The following LRRTM3 variants were observed in gnomAD, a reference collection of about 807,000 sequenced individuals.
The protein encoded by LRRTM3 is leucine-rich repeat transmembrane neuronal protein 3.
A neutral mutation model predicts 44.7 loss-of-function variants in LRRTM3; 24 were observed. The ratio of observed to expected loss-of-function variants is 0.54; its 90% CI spans 0.39 to 0.76. LRRTM3 has a LOEUF of 0.76. Ranked by LOEUF, LRRTM3 falls within the 30% of genes least tolerant of loss-of-function variation. The pLI is 0.00. For synonymous variants in LRRTM3, 277 were observed against 278.7 expected, an observed-to-expected ratio of 0.99 and a Z score of 0.06; for missense variants, 587 against 702.2, an observed-to-expected ratio of 0.84 and a Z score of 1.85.
At chr10:67,016,198 C>T (rs1354059269) in intron 2 of LRRTM3, among the ~76,000 whole-genome samples, 1 of 152,124 alleles carries the variant, frequency 6.6e-6, no homozygotes, top group African/African-American at 2.4e-5. Flanking sequence ...GATCGCTACT[C>T]CTCTTTGAAT....
chr10:67,062,955 C>A (rs1345514175), intron 2 of LRRTM3, among the ~76,000 whole-genome samples: 6 of 152,046 alleles, frequency 3.9e-5, no homozygotes, highest in Non-Finnish European at 8.8e-5. Flanking sequence ...CTCTCATATG[C>A]TGAGAGTTAA....
intron 2 of LRRTM3, among the ~76,000 whole-genome samples, chr10:66,938,355 C>T (rs1407006041): frequency 6.6e-6 from 1 of 151,932 alleles, no homozygotes; most frequent in African/African-American, 2.4e-5. Context: ...TATTGTTGAC[C>T]AGAAGCCTTA....
At chr10:66,950,385 T>C (rs1848480949) in intron 2 of LRRTM3, among the ~76,000 whole-genome samples, 1 of 152,092 alleles carries the variant, frequency 6.6e-6, no homozygotes, top group Non-Finnish European at 1.5e-5. Context: ...CTAAACATGC[T>C]TAAGGCAGGT....
At position 67,071,514 on chromosome 10, in the gene LRRTM3, T is replaced by C. The variant is rs61866246; in HGVS notation, c.1537-26073T>C. Among the ~76,000 whole-genome samples, 726 of 149,628 alleles carry C rather than the reference T, an allele frequency of 4.9e-3. 4 individuals are homozygous for C. The highest frequency in any genetic ancestry group is 0.017 in the African/African-American group (674 of 40,612). ...TAGAGCTCTTTAAAGTTTTTTTTGT[T>C]TGTTTGTTTCTTTGACTTCATTTAA... On this transcript the variant is annotated intron_variant, in intron 2 of 2. Transcript: ENST00000361320.
At chr10:66,958,387 G>A (rs1227654729) in intron 2 of LRRTM3, among the ~76,000 whole-genome samples, 1 of 147,576 alleles carries the variant, frequency 6.8e-6, no homozygotes, top group Non-Finnish European at 1.5e-5. Flanking sequence ...TTAATAGAAA[G>A]CAGATTTAAA....
intron 2 of LRRTM3, among the ~76,000 whole-genome samples, chr10:67,033,915 G>C (rs982376882): frequency 6.6e-6 from 1 of 152,062 alleles, no homozygotes; most frequent in Non-Finnish European, 1.5e-5. Flanking sequence ...GGGATTACAG[G>C]CTTGCGCTAC....
At chr10:66,990,958 A>C (rs1851006902) in intron 2 of LRRTM3, among the ~76,000 whole-genome samples, 1 of 152,220 alleles carries the variant, frequency 6.6e-6, no homozygotes, top group Admixed American at 6.5e-5. Context: ...AACATTTAAC[A>C]GTTTTTGAGT....
intron 2 of LRRTM3, among the ~76,000 whole-genome samples, chr10:67,074,385 C>A (rs1217348332): frequency 2.5e-5 from 3 of 120,362 alleles, no homozygotes; most frequent in Non-Finnish European, 4.8e-5. Context: ...GAGTCTCGCT[C>A]TGTCGCCCAG....
At chr10:66,984,259 A>G (rs1024071093) in intron 2 of LRRTM3, among the ~76,000 whole-genome samples, 1 of 152,242 alleles carries the variant, frequency 6.6e-6, no homozygotes, top group Non-Finnish European at 1.5e-5. Flanking sequence ...GTCAGGATTG[A>G]GAACCAGAAA....
At chr10:67,097,287 G>A (rs564643505) in intron 2 of LRRTM3, among the ~76,000 whole-genome samples, 4 of 151,982 alleles carry the variant, frequency 2.6e-5, no homozygotes, top group African/African-American at 9.6e-5. Flanking sequence ...CCCAGTTAGC[G>A]AAAGCAATTT....
intron 2 of LRRTM3, among the ~76,000 whole-genome samples, chr10:66,958,188 A>G (rs1436224813): frequency 1.3e-5 from 2 of 152,060 alleles, no homozygotes; most frequent in Non-Finnish European, 2.9e-5. Context: ...ATAAAAGAGA[A>G]AGGAAGAAAA....
chr10:67,071,330 GT>G (rs10688142), intron 2 of LRRTM3, among the ~76,000 whole-genome samples: 26 of 140,382 alleles, frequency 1.9e-4, no homozygotes, highest in East Asian at 6.3e-4. Flanking sequence ...TGTATTTTGG[GT>G]TTTTTTTTTT....
chr10:67,013,938 A>G (rs1212296771), intron 2 of LRRTM3, among the ~76,000 whole-genome samples: 2 of 152,118 alleles, frequency 1.3e-5, no homozygotes, highest in African/African-American at 2.4e-5. Flanking sequence ...CAGAGCCCCA[A>G]GGTCTAAAAA....
At chr10:67,088,434 A>G (rs970369685) in intron 2 of LRRTM3, among the ~76,000 whole-genome samples, 2 of 151,960 alleles carry the variant, frequency 1.3e-5, no homozygotes, top group East Asian at 1.9e-4. Context: ...AACACAAAAT[A>G]TATTCAAAAG....
chr10:67,085,917 G>A (rs961158193), intron 2 of LRRTM3, among the ~76,000 whole-genome samples: 39 of 151,552 alleles, frequency 2.6e-4, no homozygotes, highest in South Asian at 2.1e-4. Flanking sequence ...TAAACATGAC[G>A]TTATCTATAT....
At chr10:66,981,944 G>A (rs895827905) in intron 2 of LRRTM3, among the ~76,000 whole-genome samples, 2 of 152,208 alleles carry the variant, frequency 1.3e-5, no homozygotes, top group African/African-American at 4.8e-5. Flanking sequence ...CCCAAAGGCT[G>A]CCTATTTGGC....
At chr10:67,071,936 A>G (rs1477483006) in intron 2 of LRRTM3, among the ~76,000 whole-genome samples, 1 of 152,056 alleles carries the variant, frequency 6.6e-6, no homozygotes, top group Non-Finnish European at 1.5e-5. Context: ...GTTCAAGAAT[A>G]TGTGTTTGAT....
rs527260840 is a variant in LRRTM3, at chr10:66,926,279, C to G, written c.-305C>G. 8.1e-6 allele frequency: 4 copies of G among 495,030 alleles called. No homozygotes were observed. The highest frequency in any genetic ancestry group is 8.0e-5 in the African/African-American group (4 of 50,096). 30.7% of individuals were successfully genotyped at this position (495,030 alleles called of 1,614,324 possible). ...GGATCCAGTTTTTTTTTTAACCGCCCCCTCCCCACCCCCCAAAAAACTGTA... is the reference window on the plus strand; with the variant it reads ...GGATCCAGTTTTTTTTTTAACCGCCGCCTCCCCACCCCCCAAAAAACTGTA... On this transcript the variant is annotated 5_prime_UTR_variant, in exon 1 of 3. Coordinates refer to ENST00000361320, the MANE Select transcript of LRRTM3 (RefSeq NM_178011.5).
chr10:67,025,223 T>C (rs868031128), intron 2 of LRRTM3, among the ~76,000 whole-genome samples: 2 of 151,696 alleles, frequency 1.3e-5, no homozygotes, highest in South Asian at 2.1e-4. Flanking sequence ...CACCCACCAA[T>C]TGGCACTGAA....
Sources: gnomAD v4.1 joint callset for allele counts (sites outside exome capture counted in the v4.1 genomes callset) on GRCh38, gnomAD v4.1.1 for gene constraint, MANE v1.5 for transcripts, NCBI Gene and HGNC (gene_info 2026-07-23, HGNC 2026-07-21) for gene names.